The following MDGA2 variants were observed in gnomAD, a reference collection of about 807,000 sequenced individuals.
The protein encoded by MDGA2 is MAM domain containing glycosylphosphatidylinositol anchor 2.
A neutral mutation model predicts 117.8 loss-of-function variants in MDGA2; 40 were observed. That is an observed-to-expected ratio of 0.34 (90% CI 0.26 to 0.44). The LOEUF is 0.44. MDGA2 is among the 20% of genes least tolerant of loss of function. The pLI is 1.00. For missense variants in MDGA2, 1,123 were observed against 1,250.6 expected (o/e 0.90, Z 1.54); for synonymous variants, 452 against 439.0 (o/e 1.03, Z -0.37).
chr14:47,063,247 G>A (rs910015045), intron 6 of MDGA2, among the ~76,000 whole-genome samples: 2 of 152,028 alleles, frequency 1.3e-5, no homozygotes, highest in Non-Finnish European at 2.9e-5. Flanking sequence ...ATGAAAACAT[G>A]AGAAGACAAA....
intron 1 of MDGA2, among the ~76,000 whole-genome samples, chr14:47,403,083 A>G (rs990024369): frequency 5.3e-5 from 8 of 152,152 alleles, no homozygotes; most frequent in Non-Finnish European, 1.0e-4. Context: ...TTCTCTCTCT[A>G]GCGTCCATGC....
Position 47,035,251 on chromosome 14 carries a change from C to T in MDGA2, c.1579G>A (p.Gly527Arg). ...TGACATTGCAGTTCTATTGTGTCTCCTTCTCTGGTGACCAATGGTGATTTT... is the reference window on the plus strand; with the variant it reads ...TGACATTGCAGTTCTATTGTGTCTCTTTCTCTGGTGACCAATGGTGATTTT... ...QEKSPLVTRE[G>R]DTIELQCQVT... The change falls in exon 8 of 17, where the codon GGA (glycine) becomes AGA (arginine). Residue 527 changes from glycine (G) to arginine (R), a missense_variant. Gly to Arg is a moderately radical substitution (Grantham distance 125, BLOSUM62 -2). Around this residue, in one of 2 missense-constraint regions of MDGA2, gnomAD observed 890 missense variants for 1,050.3 expected, o/e 0.85. Coordinates refer to ENST00000399232, the MANE Select transcript of MDGA2 (RefSeq NM_001113498.3). The T allele has an allele frequency of 6.2e-7, 1 of 1,614,100 alleles. No homozygotes were observed. The highest frequency in any genetic ancestry group is 8.5e-7 in the Non-Finnish European group (1 of 1,179,982).
intron 7 of MDGA2, among the ~76,000 whole-genome samples, chr14:47,043,918 TC>T (rs1373153719): frequency 1.6e-4 from 25 of 152,288 alleles, no homozygotes; most frequent in African/African-American, 5.8e-4. Flanking sequence ...CATCTTTTAT[TC>T]ATCTTCCATG....
chr14:46,926,915 A>G (rs996264919), intron 9 of MDGA2, among the ~76,000 whole-genome samples: 2 of 152,208 alleles, frequency 1.3e-5, no homozygotes, highest in African/African-American at 2.4e-5. Context: ...GATGAATTCA[A>G]AAGTGATTGC....
intron 1 of MDGA2, among the ~76,000 whole-genome samples, chr14:47,599,877 A>G (rs1439789606): frequency 6.6e-6 from 1 of 152,152 alleles, no homozygotes; most frequent in Non-Finnish European, 1.5e-5. Context: ...TGGAATGTAT[A>G]AAATATATAC....
chr14:47,329,779 A>T (rs1890242861), intron 1 of MDGA2, among the ~76,000 whole-genome samples: 1 of 151,994 alleles, frequency 6.6e-6, no homozygotes, highest in Admixed American at 6.6e-5. Context: ...AAATACATAC[A>T]AAAATCAATA....
intron 5 of MDGA2, among the ~76,000 whole-genome samples, chr14:47,124,006 A>G (rs551919444): frequency 6.6e-5 from 10 of 152,214 alleles, no homozygotes; most frequent in Non-Finnish European, 1.0e-4. Context: ...CTTATTCTCT[A>G]TATCTACAAT....
chr14:46,866,345 A>G (rs948927827), intron 14 of MDGA2, among the ~76,000 whole-genome samples: 1 of 152,194 alleles, frequency 6.6e-6, no homozygotes, highest in African/African-American at 2.4e-5. Context: ...CCATATGTAG[A>G]AAGCTGAAAC....
At chr14:47,464,144 C>CAG (rs1479553630) in intron 1 of MDGA2, among the ~76,000 whole-genome samples, 1 of 149,032 alleles carries the variant, frequency 6.7e-6, no homozygotes, top group East Asian at 2.0e-4. Context: ...CACACACACA[C>CAG]AGAGCCTCTG....
intron 1 of MDGA2, among the ~76,000 whole-genome samples, chr14:47,368,551 C>G (rs11625301): frequency 1.3e-5 from 2 of 151,842 alleles, no homozygotes; most frequent in African/African-American, 4.8e-5. Flanking sequence ...TTATGCTTTG[C>G]GGGGGCAAGA....
At chr14:46,867,042 G>A (rs1193841528) in intron 14 of MDGA2, among the ~76,000 whole-genome samples, 1 of 152,080 alleles carries the variant, frequency 6.6e-6, no homozygotes, top group Non-Finnish European at 1.5e-5. Context: ...CCATTACTGG[G>A]TATATACTCA....
At chr14:47,063,047 C>T (rs1050792557) in intron 6 of MDGA2, among the ~76,000 whole-genome samples, 1 of 151,966 alleles carries the variant, frequency 6.6e-6, no homozygotes, top group South Asian at 2.1e-4. Flanking sequence ...AACCATGGCC[C>T]TCATGTACTG....
At position 47,084,072 on chromosome 14, in the gene MDGA2, T is replaced by C. The variant is rs76283101; in HGVS notation, c.1195+12782A>G. 1.4e-3 allele frequency among the ~76,000 whole-genome samples: 219 copies of C among 152,224 alleles called. 2 individuals are homozygous for C. The highest frequency in any genetic ancestry group is 3.7e-3 in the Admixed American group (57 of 15,276). On this transcript the variant is annotated intron_variant, in intron 6 of 16. Transcript: ENST00000399232. Reference sequence around the variant, plus strand: ...ATAGAACTCAACTAATAGTATCAAATCAACATTTATCGAGCATTATCCCAA... The same window carrying C: ...ATAGAACTCAACTAATAGTATCAAACCAACATTTATCGAGCATTATCCCAA...
At chr14:47,194,990 G>A (rs1180966037) in intron 3 of MDGA2, among the ~76,000 whole-genome samples, 2 of 151,984 alleles carry the variant, frequency 1.3e-5, no homozygotes, top group African/African-American at 4.8e-5. Flanking sequence ...TGGAATGACT[G>A]TAATATGAAT....
chr14:47,232,408 G>T (rs1886722492), intron 2 of MDGA2, among the ~76,000 whole-genome samples: 1 of 151,970 alleles, frequency 6.6e-6, no homozygotes, highest in African/African-American at 2.4e-5. Flanking sequence ...TATTCTTGCA[G>T]GCATAGCCTT....
chr14:47,386,102 T>C (rs1428731142), intron 1 of MDGA2, among the ~76,000 whole-genome samples: 1 of 151,912 alleles, frequency 6.6e-6, no homozygotes, highest in Admixed American at 6.6e-5. Context: ...GCCAACATGG[T>C]GAAACACCGT....
intron 1 of MDGA2, among the ~76,000 whole-genome samples, chr14:47,585,115 T>A (rs1216722628): frequency 6.6e-6 from 1 of 151,948 alleles, no homozygotes; most frequent in African/African-American, 2.4e-5. Context: ...TGGTTGAATA[T>A]AATTTGCTAA....
At chr14:47,348,165 ATATGTG>A (rs1566749246) in intron 1 of MDGA2, among the ~76,000 whole-genome samples, 1 of 45,712 alleles carries the variant, frequency 2.2e-5, no homozygotes, top group Admixed American at 3.5e-4. Context: ...CTCTCTCTGT[ATATGTG>A]TGTGTGTGTG....
At chr14:47,620,609 C>A (rs1437477302) in intron 1 of MDGA2, among the ~76,000 whole-genome samples, 1 of 152,272 alleles carries the variant, frequency 6.6e-6, no homozygotes, top group East Asian at 1.9e-4. Context: ...TTTGTCTATT[C>A]CAATTTCCAA....
Sources: gnomAD v4.1 joint callset for allele counts (sites outside exome capture counted in the v4.1 genomes callset) on GRCh38, gnomAD v4.1.1 for gene constraint, gnomAD v4.1.1 regional missense constraint, MANE v1.5 for transcripts, NCBI Gene and HGNC (gene_info 2026-07-23, HGNC 2026-07-21) for gene names.